ILF2: variants seen among roughly 807,000 people sequenced by gnomAD.
ILF2 encodes interleukin enhancer binding factor 2, also known as interleukin enhancer-binding factor 2.
A neutral mutation model predicts 55.3 loss-of-function variants in ILF2; 9 were observed. The ratio of observed to expected loss-of-function variants is 0.16; its 90% CI spans 0.10 to 0.28. The LOEUF (loss-of-function observed/expected upper bound fraction) is 0.28, where lower values mean the gene tolerates loss of function less well. Ranked by LOEUF, ILF2 falls within the 10% of genes least tolerant of loss-of-function variation. The pLI is 1.00. For synonymous variants in ILF2, 151 were observed against 161.8 expected (o/e 0.93, Z 0.50); for missense variants, 266 against 474.9 (o/e 0.56, Z 4.09).
At position 153,663,405 on chromosome 1, in the gene ILF2, T is replaced by C; in HGVS notation, c.745-129A>G. On this transcript the variant is annotated intron_variant, in intron 10 of 13. Coordinates refer to ENST00000361891, the MANE Select transcript of ILF2 (RefSeq NM_004515.4). ...GTGCAGTGGCGCAATCATAGTTCAC[T>C]GTAACCGCGAACTCCTGGGCTCAAG... The C allele has an allele frequency of 6.0e-6, 5 of 827,358 alleles. 1 individual carries two copies. In the South Asian group the frequency reaches 7.8e-5, roughly 13 times the overall value. 51.3% of individuals were successfully genotyped at this position (827,358 alleles called of 1,614,324 possible). A position where few individuals can be genotyped will look rare whatever the true frequency, so the allele number is the denominator to read the frequency against.
intron 3 of ILF2, among the ~76,000 whole-genome samples, chr1:153,669,367 C>T (rs1669388609): frequency 6.6e-6 from 1 of 152,190 alleles, no homozygotes; most frequent in Admixed American, 6.6e-5. Context: ...ATGTTTAATG[C>T]CAACAGTAGC....
chr1:153,668,317 A>T, intron 4 of ILF2, 136 bp downstream of exon 4: 1 of 1,116,738 alleles, frequency 9.0e-7, no homozygotes, highest in Non-Finnish European at 1.3e-6. Context: ...CCACAATGAG[A>T]AATAAGGAGA....
In ILF2 at chr1:153,662,440, GTTC is replaced by G; in HGVS notation, c.1126_1128del (p.Glu376del). ...CTTTCTTCTTCCTCTCCTTGAGGTG[GTTC>G]TTCTGTATTCTCCTCTTCTTCCTCT... On this transcript the variant is annotated inframe_deletion, in exon 14 of 14. Coordinates refer to ENST00000361891, the MANE Select transcript of ILF2 (RefSeq NM_004515.4). The G allele has an allele frequency of 6.2e-7, 1 of 1,612,958 alleles. No individual in the cohort carries two copies. Among genetic ancestry groups the G allele is most frequent in the Non-Finnish European group, 8.5e-7 (1 of 1,178,938 alleles).
chr1:153,664,334 A>G, intron 9 of ILF2, 62 bp downstream of exon 9: 1 of 1,327,648 alleles, frequency 7.5e-7, no homozygotes, highest in South Asian at 1.2e-5. Flanking sequence ...GTATGGGGGT[A>G]TCCTGCTATT....
chr1:153,665,857 A>G (rs543634548), intron 6 of ILF2, 129 bp from the exon 7 acceptor site: 12 of 683,452 alleles, frequency 1.8e-5, no homozygotes, highest in Middle Eastern at 7.2e-4. Context: ...GTAATAGAAT[A>G]TATACTTTTA....
chr1:153,668,669 G>A (rs1669371556), intron 3 of ILF2, 112 bp from the exon 4 acceptor site: 1 of 1,252,186 alleles, frequency 8.0e-7, no homozygotes, highest in African/African-American at 1.5e-5. Context: ...TTCTACACTT[G>A]TTTTTACTGC....
intron 8 of ILF2, 65 bp from the exon 9 acceptor site, chr1:153,664,539 TGC>T: frequency 7.9e-7 from 1 of 1,263,142 alleles, no homozygotes; most frequent in Non-Finnish European, 1.2e-6. Flanking sequence ...TCATTACCAC[TGC>T]TACAGTCTTA....
chr1:153,670,811 AGCCCCCG>A (rs1273573828), intron 1 of ILF2, 100 bp downstream of exon 1: 51 of 1,354,862 alleles, frequency 3.8e-5, no homozygotes, highest in Middle Eastern at 3.6e-4. Context: ...GTTTTTGGCC[AGCCCCCG>A]GATACATGGC....
intron 10 of ILF2, 47 bp downstream of exon 10, chr1:153,663,977 CTACTACTACTACTACTACT>C (rs1571334332): frequency 5.0e-6 from 4 of 796,536 alleles, no homozygotes; most frequent in African/African-American, 3.4e-5. Context: ...ACTACTACTA[CTACTACTACTACTACTACT>C]AGTAAATAAG....
chr1:153,663,507 T>C (rs1217992722), intron 10 of ILF2, among the ~76,000 whole-genome samples: 2 of 152,170 alleles, frequency 1.3e-5, no homozygotes, highest in Non-Finnish European at 2.9e-5. Context: ...TTTTTTTTTT[T>C]TCTCTTGTAG....
intron 2 of ILF2, 118 bp from the exon 3 acceptor site, chr1:153,669,996 G>C (rs982458255): frequency 6.3e-6 from 7 of 1,110,168 alleles, no homozygotes; most frequent in South Asian, 6.3e-5. Context: ...AGTCTCCGGG[G>C]AGGGAAAGAA....
intron 1 of ILF2, 124 bp from the exon 2 acceptor site, chr1:153,670,354 CACTTG>C: frequency 1.2e-6 from 1 of 852,562 alleles, no homozygotes; most frequent in Non-Finnish European, 1.9e-6. Flanking sequence ...CTCACACTTA[CACTTG>C]TCCCCATTCC....
rs963730521 is a variant in ILF2 at position 153,668,150 on chromosome 1, C to A, written c.214-73G>T. 2.7e-5 allele frequency: 32 copies of A among 1,164,672 alleles called. No individual in the cohort carries two copies. The African/African-American group carries it at 4.5e-4, about 16-fold the overall frequency. The allele number at this position is 1,164,672 out of a possible 1,614,324, so 72.1% of individuals were successfully genotyped here. ...ATTTCTCAGAATTTGAATATTTTCT[C>A]CTAATCCCTTCCATACAAGCTGACT... On this transcript the variant is annotated intron_variant, in intron 4 of 13. Transcript: ENST00000361891.
At position 153,668,481 on chromosome 1, in the gene ILF2, T is replaced by C; in HGVS notation, c.185A>G (p.Gln62Arg). ...TTCAGCAGAATTGGGAGCCAGGTCCTGATTCCTCTTCAGCAAGGCCTCACT... is the reference window on the plus strand; with the variant it reads ...TTCAGCAGAATTGGGAGCCAGGTCCCGATTCCTCTTCAGCAAGGCCTCACT... ...SFSEALLKRN[Q>R]DLAPNSAEQA... Residue 62 changes from glutamine to arginine, a missense_variant, in exon 4 of 14, where the codon CAG (glutamine) becomes CGG (arginine). By Grantham distance (43) the Gln-to-Arg change is conservative (BLOSUM62 1). Transcript: ENST00000361891. 6.2e-7 allele frequency: 1 copy of C among 1,614,198 alleles called. No homozygotes were observed. The highest frequency in any genetic ancestry group is 8.5e-7 in the Non-Finnish European group (1 of 1,180,030).
In ILF2 at chr1:153,668,474, CAGG is replaced by C; in HGVS notation, c.189_191del (p.Asp63_Leu64delinsGlu). The C allele has an allele frequency of 6.2e-7, 1 of 1,614,130 alleles. No homozygotes were observed. Among genetic ancestry groups the C allele is most frequent in the Non-Finnish European group, 8.5e-7 (1 of 1,180,014 alleles). On this transcript the variant is annotated inframe_deletion, in exon 4 of 14. Coordinates refer to ENST00000361891, the MANE Select transcript of ILF2 (RefSeq NM_004515.4). The stretch of plus-strand genomic sequence containing the variant: ...ATACCTGTTCAGCAGAATTGGGAGC[CAGG>C]TCCTGATTCCTCTTCAGCAAGGCCT...
At chr1:153,669,054 C>T (rs546673972) in intron 3 of ILF2, among the ~76,000 whole-genome samples, 3 of 151,266 alleles carry the variant, frequency 2.0e-5, no homozygotes, top group African/African-American at 7.3e-5. Context: ...AACAGACATA[C>T]AAAAATTAGC....
intron 1 of ILF2, 122 bp from the exon 2 acceptor site, chr1:153,670,352 TA>T: frequency 1.1e-6 from 1 of 887,642 alleles, no homozygotes; most frequent in Non-Finnish European, 1.8e-6. Flanking sequence ...CACTCACACT[TA>T]CACTTGTCCC....
chr1:153,668,689 T>C, intron 3 of ILF2, 132 bp from the exon 4 acceptor site: 1 of 1,119,040 alleles, frequency 8.9e-7, no homozygotes, highest in Non-Finnish European at 1.2e-6. Flanking sequence ...CTTAATTTGT[T>C]CAATTAGCTG....
chr1:153,662,600 A>C, intron 13 of ILF2, 44 bp from the exon 14 acceptor site: 1 of 1,586,896 alleles, frequency 6.3e-7, no homozygotes, highest in Admixed American at 1.7e-5. Flanking sequence ...GCCCAGCATA[A>C]AAGTCATTAC....
Sources: gnomAD v4.1 joint callset for allele counts (sites outside exome capture counted in the v4.1 genomes callset) on GRCh38, gnomAD v4.1.1 for gene constraint, MANE v1.5 for transcripts, NCBI Gene and HGNC (gene_info 2026-07-23, HGNC 2026-07-21) for gene names.